Variants in SV2C observed in about 807,000 individuals in gnomAD.
SV2C encodes the protein solute carrier family 22 member B3.
SV2C carries 49 observed loss-of-function variants against 79.7 expected under a neutral mutation model. The observed-to-expected ratio is 0.61, with a 90% confidence interval of 0.49 to 0.78. The LOEUF is 0.78. SV2C is among the 30% of genes least tolerant of loss of function. The pLI is 0.00. For synonymous variants in SV2C, 334 were observed against 333.2 expected, an observed-to-expected ratio of 1.00 and a Z score of -0.03; for missense variants, 833 against 912.9, an observed-to-expected ratio of 0.91 and a Z score of 1.13.
At chr5:76,289,408 A>T (rs375984982) in intron 6 of SV2C, among the ~76,000 whole-genome samples, 5 of 152,098 alleles carry the variant, frequency 3.3e-5, no homozygotes, top group African/African-American at 1.2e-4. Flanking sequence ...GCCCTTCAAA[A>T]ATGGCATCTT....
the SV2C span, among the ~76,000 whole-genome samples, chr5:75,905,837 G>A: frequency 6.6e-6 from 1 of 151,376 alleles, no homozygotes; most frequent in Non-Finnish European, 1.5e-5. Context: ...GGGTTTAATA[G>A]CATCCTCCCA....
chr5:75,970,387 TG>T, the SV2C span, among the ~76,000 whole-genome samples: 1 of 151,954 alleles, frequency 6.6e-6, no homozygotes, highest in Non-Finnish European at 1.5e-5. Flanking sequence ...ATCCAGGAGC[TG>T]GTTTTTTGAA....
intron 3 of SV2C, among the ~76,000 whole-genome samples, chr5:76,204,291 G>A (rs1744542706): frequency 6.6e-6 from 1 of 152,128 alleles, no homozygotes; most frequent in Non-Finnish European, 1.5e-5. Flanking sequence ...TATTTTTCAT[G>A]CAAGTTATTT....
At chr5:75,944,260 A>T in the SV2C span, among the ~76,000 whole-genome samples, 2 of 152,024 alleles carry the variant, frequency 1.3e-5, no homozygotes, top group Non-Finnish European at 2.9e-5. Flanking sequence ...GCCCACACCC[A>T]CTTTTGTGGC....
At chr5:75,874,833 A>G in the SV2C span, among the ~76,000 whole-genome samples, 1 of 152,226 alleles carries the variant, frequency 6.6e-6, no homozygotes, top group African/African-American at 2.4e-5. Context: ...TAAAACACCT[A>G]GGAATACAGC....
rs553132174 is a variant in SV2C, at chr5:76,095,911, T to G, written c.-102+12399T>G. 2.2e-3 allele frequency among the ~76,000 whole-genome samples: 333 copies of G among 152,296 alleles called. 4 individuals carry two copies. Among genetic ancestry groups the G allele is most frequent in the Non-Finnish European group, 2.7e-3 (181 of 68,000 alleles). ...TTTTTCTTTGGGTCTACTCATTACT[T>G]AATGCTGTATATGTTTAAAATCTAA... On this transcript the variant is annotated intron_variant, in intron 1 of 12. Transcript: ENST00000502798.
intron 3 of SV2C, among the ~76,000 whole-genome samples, chr5:76,205,766 C>A (rs548300502): frequency 6.6e-6 from 1 of 152,238 alleles, no homozygotes; most frequent in East Asian, 1.9e-4. Context: ...CCCCCCACTG[C>A]AAAACTTTCC....
At chr5:75,939,640 T>C in the SV2C span, among the ~76,000 whole-genome samples, 1 of 152,146 alleles carries the variant, frequency 6.6e-6, no homozygotes, top group Non-Finnish European at 1.5e-5. Context: ...ACAGTCACAC[T>C]TCCCAACCCC....
chr5:76,104,261 T>C (rs1172277532), intron 1 of SV2C, among the ~76,000 whole-genome samples: 1 of 152,218 alleles, frequency 6.6e-6, no homozygotes, highest in Non-Finnish European at 1.5e-5. Flanking sequence ...AGTGCTGAAA[T>C]GCCTGGCCAG....
At chr5:76,011,579 C>T in the SV2C span, among the ~76,000 whole-genome samples, 33 of 151,968 alleles carry the variant, frequency 2.2e-4, 1 homozygote, top group East Asian at 3.9e-3. Flanking sequence ...TAGATATTAC[C>T]GACTAACCTA....
the SV2C span, among the ~76,000 whole-genome samples, chr5:76,034,677 C>T: frequency 0.022 from 3,296 of 152,244 alleles, 127 homozygotes; most frequent in African/African-American, 0.076. Context: ...ATTTTTGCAT[C>T]AATGTTCATC....
chr5:76,207,931 A>G lies in SV2C; in HGVS notation c.762-1805A>G, dbSNP rs370101913. 1.8e-4 allele frequency among the ~76,000 whole-genome samples: 27 copies of G among 152,368 alleles called. No individual in the cohort carries two copies. The East Asian group carries it at 5.2e-3, about 29-fold the overall frequency. On this transcript the variant is annotated intron_variant, in intron 3 of 12. Transcript: ENST00000502798. ...CCAGGCAAGAGAATTGTATGAGTCT[A>G]ATACGGTGCAGTATAGAGCCAGCTC...
intron 12 of SV2C, among the ~76,000 whole-genome samples, chr5:76,312,937 C>A (rs1020628541): frequency 7.2e-5 from 11 of 152,212 alleles, no homozygotes. Flanking sequence ...CCAAGCCCTT[C>A]CCTTAGGACT....
intron 1 of SV2C, among the ~76,000 whole-genome samples, chr5:76,092,899 A>G (rs1409408899): frequency 3.3e-5 from 5 of 152,012 alleles, no homozygotes; most frequent in Admixed American, 6.6e-5. Context: ...TTGCAGCTCC[A>G]GCTGTGGAGT....
chr5:76,079,630 G>C (rs574194459), upstream of SV2C: 48 of 345,254 alleles, frequency 1.4e-4, no homozygotes, highest in Non-Finnish European at 2.4e-4. Flanking sequence ...GTGTCAATCT[G>C]ACAGAAGCCC....
chr5:75,853,555 C>CAAAAA, the SV2C span, among the ~76,000 whole-genome samples: 1 of 28,980 alleles, frequency 3.5e-5, no homozygotes, highest in Non-Finnish European at 6.9e-5. Flanking sequence ...GACTCCTTCT[C>CAAAAA]AAAAAAAAAA....
At chr5:75,876,629 G>C in the SV2C span, among the ~76,000 whole-genome samples, 2 of 152,066 alleles carry the variant, frequency 1.3e-5, no homozygotes, top group Non-Finnish European at 2.9e-5. Context: ...ACGGGGTATA[G>C]TTGGGTTTGT....
At chr5:76,066,887 G>A in the SV2C span, among the ~76,000 whole-genome samples, 5 of 151,742 alleles carry the variant, frequency 3.3e-5, no homozygotes, top group African/African-American at 1.2e-4. Flanking sequence ...ATAGTCATTT[G>A]GAGTCTTACA....
the SV2C span, among the ~76,000 whole-genome samples, chr5:75,857,841 C>G: frequency 6.6e-6 from 1 of 151,986 alleles, no homozygotes; most frequent in Non-Finnish European, 1.5e-5. Context: ...TAGTTAATTT[C>G]TGGGCATCTT....
Sources: gnomAD v4.1 joint callset for allele counts (sites outside exome capture counted in the v4.1 genomes callset) on GRCh38, gnomAD v4.1.1 for gene constraint, MANE v1.5 for transcripts, NCBI Gene and HGNC (gene_info 2026-07-23, HGNC 2026-07-21) for gene names.